Variants in LARP1B observed in about 807,000 individuals in gnomAD.
LARP1B encodes la-related protein 1B.
In LARP1B, 76 loss-of-function variants were observed where a neutral mutation model predicts 114.2. That is an observed-to-expected ratio of 0.67 (90% CI 0.55 to 0.81). The LOEUF is 0.81. Among genes scored for constraint, LARP1B ranks in the 30% least tolerant of loss-of-function variants. The probability of loss-of-function intolerance (pLI) is 0.00; values close to 1 mark genes in which losing one functional copy is unlikely to be tolerated. For synonymous variants in LARP1B, 345 were observed against 348.0 expected, an observed-to-expected ratio of 0.99 and a Z score of 0.10; for missense variants, 1,014 against 1,075.8, an observed-to-expected ratio of 0.94 and a Z score of 0.80.
rs779908118 is a variant in LARP1B, at chr4:128,114,684, A to G, written c.1103A>G (p.Asp368Gly). The G allele has an allele frequency of 9.9e-6, 16 of 1,613,972 alleles. No homozygotes were observed. The highest frequency in any genetic ancestry group is 1.4e-5 in the Non-Finnish European group (16 of 1,180,006). The change falls in exon 10 of 20, where the codon GAC (aspartate) becomes GGC (glycine). Residue 368 changes from aspartate (D) to glycine (G), a missense_variant. Transcript: ENST00000326639. ...TTGTCTACCAGTTTGCCTGACTTGG[A>G]CTCAGAACCTTGGATAGAAGTTAAA... ...RGLSTSLPDL[D>G]SEPWIEVKKR...
At chr4:128,139,368 C>G (rs1036134242) in intron 11 of LARP1B, among the ~76,000 whole-genome samples, 2 of 152,050 alleles carry the variant, frequency 1.3e-5, no homozygotes, top group East Asian at 1.9e-4. Context: ...TGCTGTGCAC[C>G]TGTAGTCCCA....
At chr4:128,090,631 A>C (rs2149568516) in intron 5 of LARP1B, among the ~76,000 whole-genome samples, 1 of 152,354 alleles carries the variant, frequency 6.6e-6, no homozygotes, top group South Asian at 2.1e-4. Context: ...CTTAAATAGA[A>C]CCATCCTTAA....
chr4:128,080,874 TA>T (rs1241063953), intron 4 of LARP1B, among the ~76,000 whole-genome samples: 3 of 152,140 alleles, frequency 2.0e-5, no homozygotes, highest in Non-Finnish European at 4.4e-5. Context: ...CATTCATTTG[TA>T]AAAATCCTGG....
chr4:128,219,832 T>TAAAA lies in LARP1B; in HGVS notation n.849-523_849-522insAAAA, dbSNP rs745862797. On this transcript the variant is annotated intron_variant and non_coding_transcript_variant, in intron 6 of 7. Transcript: ENST00000503725. ...ATAAATAAATAAATAAATAAATAAA[T>TAAAA]GGAATTAGGAAGGGGGTTATGTTTA... 1.5e-3 allele frequency among the ~76,000 whole-genome samples: 225 copies of TAAAA among 149,456 alleles called. 2 individuals are homozygous for TAAAA. The highest frequency in any genetic ancestry group is 0.013 in the East Asian group (65 of 5,130).
At chr4:128,072,123 CAGAGTAGCTA>C (rs1017614179) in intron 1 of LARP1B, among the ~76,000 whole-genome samples, 69 of 152,120 alleles carry the variant, frequency 4.5e-4, no homozygotes, top group African/African-American at 1.6e-3. Context: ...CCTCAGCCTC[CAGAGTAGCTA>C]GGATAACAGG....
intron 15 of LARP1B, among the ~76,000 whole-genome samples, chr4:128,192,407 TATC>T (rs1195620837): frequency 6.6e-6 from 1 of 152,150 alleles, no homozygotes; most frequent in Non-Finnish European, 1.5e-5. Flanking sequence ...AGCTTGAAAA[TATC>T]ATAAGTTGAA....
chr4:128,176,150 TATATATATAA>T (rs1274291661), intron 12 of LARP1B, among the ~76,000 whole-genome samples: 1 of 133,750 alleles, frequency 7.5e-6, no homozygotes, highest in Non-Finnish European at 1.6e-5. Flanking sequence ...ATATTTATAT[TATATATATAA>T]ATATATATAT....
intron 15 of LARP1B, among the ~76,000 whole-genome samples, chr4:128,180,548 T>C (rs1747986126): frequency 6.6e-6 from 1 of 152,226 alleles, no homozygotes; most frequent in Admixed American, 6.5e-5. Flanking sequence ...CTAATAGTTA[T>C]TTTGGGGTTA....
intron 11 of LARP1B, among the ~76,000 whole-genome samples, chr4:128,132,954 AGATTCTC>A: frequency 6.6e-6 from 1 of 151,942 alleles, no homozygotes; most frequent in African/African-American, 2.4e-5. Flanking sequence ...ATCAAGCATT[AGATTCTC>A]ATGAGGATCA....
chr4:128,220,327 C>T, intron 6 of LARP1B: 2 of 890,272 alleles, frequency 2.2e-6, no homozygotes, highest in East Asian at 1.2e-4. Flanking sequence ...TTTTATGTAA[C>T]TATTATTTTT....
chr4:128,064,306 C>G (rs977968532), intron 1 of LARP1B, among the ~76,000 whole-genome samples: 1 of 138,390 alleles, frequency 7.2e-6, no homozygotes, highest in Non-Finnish European at 1.5e-5. Flanking sequence ...GTGATTGTTA[C>G]AAGCACCCAT....
At chr4:128,153,672 T>G (rs1213087246) in intron 11 of LARP1B, among the ~76,000 whole-genome samples, 1 of 152,218 alleles carries the variant, frequency 6.6e-6, no homozygotes, top group Non-Finnish European at 1.5e-5. Flanking sequence ...TTTTGATAGC[T>G]TGTCTAGAAA....
In LARP1B at chr4:128,162,182, A is replaced by T; in HGVS notation, c.1525-12A>T. 6.2e-7 allele frequency: 1 copy of T among 1,611,188 alleles called. No individual in the cohort carries two copies. Among genetic ancestry groups the T allele is most frequent in the Non-Finnish European group, 8.5e-7 (1 of 1,178,202 alleles). ...GCCAGTTTAGTAATTAGATTCCTCC[A>T]TTCTACTTCAGCAAGAAGTTGAGAA... On this transcript the variant is annotated splice_polypyrimidine_tract_variant and intron_variant, in intron 11 of 19. Coordinates refer to ENST00000326639, the MANE Select transcript of LARP1B (RefSeq NM_018078.4).
chr4:128,111,974 G>A (rs966099363), intron 9 of LARP1B, among the ~76,000 whole-genome samples: 10 of 151,670 alleles, frequency 6.6e-5, no homozygotes, highest in Non-Finnish European at 1.3e-4. Flanking sequence ...ATAGGCATGA[G>A]CCACTGTGCC....
At chr4:128,128,706 A>G (rs1790462953) in intron 11 of LARP1B, among the ~76,000 whole-genome samples, 1 of 152,230 alleles carries the variant, frequency 6.6e-6, no homozygotes. Flanking sequence ...TCTTGCTTTC[A>G]CAACATTGTA....
intron 4 of LARP1B, among the ~76,000 whole-genome samples, chr4:128,078,216 T>C (rs1768776508): frequency 6.6e-6 from 1 of 152,214 alleles, no homozygotes; most frequent in African/African-American, 2.4e-5. Context: ...GTAGATACAT[T>C]CTTGGAAAGT....
chr4:128,107,637 A>C, intron 9 of LARP1B: 2 of 1,415,054 alleles, frequency 1.4e-6, no homozygotes, highest in African/African-American at 1.4e-5. Flanking sequence ...TTGGAATAGT[A>C]TGATTGGATT....
intron 4 of LARP1B, among the ~76,000 whole-genome samples, chr4:128,080,320 A>C (rs1012303803): frequency 6.6e-6 from 1 of 152,188 alleles, no homozygotes; most frequent in Non-Finnish European, 1.5e-5. Context: ...CTGGTCAGTC[A>C]ACAGTAAAAC....
intron 13 of LARP1B, among the ~76,000 whole-genome samples, chr4:128,178,035 G>GAT (rs35878913): frequency 0.19 from 25,901 of 137,508 alleles, 2,480 homozygotes; most frequent in Middle Eastern, 0.28. Flanking sequence ...TTTACAAAGT[G>GAT]ATATATATAT....
Sources: allele counts gnomAD v4.1 joint callset (sites outside exome capture counted in the v4.1 genomes callset), GRCh38; gene constraint gnomAD v4.1.1; transcripts MANE v1.5; gene names NCBI Gene and HGNC (gene_info 2026-07-23, HGNC 2026-07-21).